GPM6A: variants seen among roughly 807,000 people sequenced by gnomAD.
The protein encoded by GPM6A is neuronal membrane glycoprotein M6-a.
GPM6A carries 7 observed loss-of-function variants against 32.1 expected under a neutral mutation model. That is an observed-to-expected ratio of 0.22 (90% CI 0.12 to 0.41). GPM6A has a LOEUF of 0.41. Among genes scored for constraint, GPM6A ranks in the 10% least tolerant of loss-of-function variants. GPM6A has a pLI of 1.00. For missense variants in GPM6A, 235 were observed against 347.2 expected (o/e 0.68, Z 2.57); for synonymous variants, 130 against 123.4 (o/e 1.05, Z -0.35).
rs75504715 is a variant in GPM6A, at chr4:175,893,541, T to C, written c.-22-81292A>G. Among the ~76,000 whole-genome samples, 502 of 152,224 alleles carry C rather than the reference T, an allele frequency of 3.3e-3. 10 individuals are homozygous for C. In the East Asian group the frequency reaches 0.069, roughly 21 times the overall value. On this transcript the variant is annotated intron_variant, in intron 1 of 7. Transcript: ENST00000280187. ...GGCCTCCCTTAAGCTGACTGCCTTT[T>C]TCCTCTTGTTCTATTCTTCCTCCTG...
chr4:175,737,320 A>G (rs568241774), intron 1 of GPM6A, among the ~76,000 whole-genome samples: 2 of 151,828 alleles, frequency 1.3e-5, no homozygotes, highest in East Asian at 3.9e-4. Flanking sequence ...CTGCACGCCT[A>G]TAATCCTGCA....
At chr4:175,824,450 G>C (rs923986828) in intron 1 of GPM6A, among the ~76,000 whole-genome samples, 2 of 152,094 alleles carry the variant, frequency 1.3e-5, no homozygotes, top group Non-Finnish European at 2.9e-5. Flanking sequence ...CAAATATTAA[G>C]GTAGATGTGA....
intron 1 of GPM6A, among the ~76,000 whole-genome samples, chr4:175,855,900 A>G (rs1736399552): frequency 6.6e-6 from 1 of 152,200 alleles, no homozygotes; most frequent in South Asian, 2.1e-4. Context: ...CTCCGGCAAC[A>G]ATGAAAACAC....
chr4:175,838,112 GACACACACACAC>G (rs10548625), intron 1 of GPM6A, among the ~76,000 whole-genome samples: 16 of 141,864 alleles, frequency 1.1e-4, no homozygotes, highest in Non-Finnish European at 1.5e-5. Context: ...CACACACACA[GACACACACACAC>G]ACACACACAC....
intron 1 of GPM6A, among the ~76,000 whole-genome samples, chr4:175,836,676 C>T (rs945960253): frequency 4.6e-5 from 7 of 151,190 alleles, no homozygotes; most frequent in African/African-American, 1.7e-4. Context: ...TAGAAAATGC[C>T]CCCAAAACAG....
chr4:175,702,638 C>T (rs949585048), intron 1 of GPM6A, among the ~76,000 whole-genome samples: 1 of 152,112 alleles, frequency 6.6e-6, no homozygotes, highest in Non-Finnish European at 1.5e-5. Flanking sequence ...CCTTAGCCTC[C>T]CAAGTAGCTA....
At chr4:175,817,976 C>A (rs1735160193) in intron 1 of GPM6A, among the ~76,000 whole-genome samples, 1 of 152,084 alleles carries the variant, frequency 6.6e-6, no homozygotes, top group Non-Finnish European at 1.5e-5. Context: ...TAATATTTAC[C>A]CCCAAGAAAT....
intron 1 of GPM6A, among the ~76,000 whole-genome samples, chr4:175,965,675 G>A (rs1246664053): frequency 6.6e-6 from 1 of 151,248 alleles, no homozygotes; most frequent in East Asian, 1.9e-4. Flanking sequence ...GCACAGTGGT[G>A]CAATCTTGGC....
At chr4:175,751,275 T>C (rs1406504810) in intron 1 of GPM6A, among the ~76,000 whole-genome samples, 1 of 152,030 alleles carries the variant, frequency 6.6e-6, no homozygotes, top group Non-Finnish European at 1.5e-5. Context: ...AGAAAACTGA[T>C]TGCATAAAAT....
At chr4:175,763,182 T>G (rs1246893542) in intron 1 of GPM6A, among the ~76,000 whole-genome samples, 1 of 152,184 alleles carries the variant, frequency 6.6e-6, no homozygotes, top group East Asian at 1.9e-4. Flanking sequence ...TATTTCAGAT[T>G]TTTATATTTT....
At chr4:175,679,528 T>G (rs1015397754) in intron 2 of GPM6A, among the ~76,000 whole-genome samples, 4 of 152,128 alleles carry the variant, frequency 2.6e-5, no homozygotes, top group African/African-American at 4.8e-5. Flanking sequence ...CGGTCAAAAC[T>G]TCTCCCCAAT....
chr4:175,753,041 GAC>G (rs1732398200), intron 1 of GPM6A, among the ~76,000 whole-genome samples: 1 of 152,086 alleles, frequency 6.6e-6, no homozygotes, highest in African/African-American at 2.4e-5. Flanking sequence ...TCCCATATGG[GAC>G]ACAGAGTTAA....
intron 1 of GPM6A, among the ~76,000 whole-genome samples, chr4:175,924,277 T>A (rs1346717171): frequency 3.9e-5 from 6 of 152,278 alleles, no homozygotes; most frequent in South Asian, 2.1e-4. Context: ...GCAGGCAGTA[T>A]AATTAAAGAC....
At chr4:175,692,268 T>A (rs982902492) in intron 2 of GPM6A, among the ~76,000 whole-genome samples, 2 of 152,102 alleles carry the variant, frequency 1.3e-5, no homozygotes. Flanking sequence ...TAGAAAAAAA[T>A]TAATGTACAT....
In GPM6A at chr4:175,728,299, A is replaced by G. The variant is rs138249682; in HGVS notation, c.38-26532T>C. Among the ~76,000 whole-genome samples the G allele has an allele frequency of 2.0e-3, 305 of 152,318 alleles. 1 individual carries two copies. The highest frequency in any genetic ancestry group is 4.3e-3 in the African/African-American group (177 of 41,572). ...TAAAAACACAAACTAAAAATGATCC[A>G]TCACCAAATAAAATTTAAAAATTAA... On this transcript the variant is annotated intron_variant, in intron 1 of 6. Transcript: ENST00000393658.
chr4:175,942,192 A>C (rs55843342), intron 1 of GPM6A, among the ~76,000 whole-genome samples: 9,587 of 152,076 alleles, frequency 0.063, 942 homozygotes, highest in African/African-American at 0.21. Flanking sequence ...TGAGAAGTGT[A>C]TGTTCTTATC....
intron 1 of GPM6A, among the ~76,000 whole-genome samples, chr4:175,937,062 G>T (rs1009595421): frequency 9.2e-5 from 14 of 152,042 alleles, no homozygotes; most frequent in Non-Finnish European, 1.9e-4. Context: ...GCACTTTCAA[G>T]GGTACAGACA....
At chr4:175,684,460 C>T (rs890018580) in intron 2 of GPM6A, among the ~76,000 whole-genome samples, 4 of 151,964 alleles carry the variant, frequency 2.6e-5, no homozygotes, top group Non-Finnish European at 5.9e-5. Flanking sequence ...ATCAATTTAC[C>T]ATTTTTTCTT....
rs114705863 is a variant in GPM6A, at chr4:175,989,994, G to T, written c.-23+12315C>A. 4.3e-3 allele frequency among the ~76,000 whole-genome samples: 650 copies of T among 152,126 alleles called. 2 individuals carry two copies. Among genetic ancestry groups the T allele is most frequent in the Non-Finnish European group, 6.6e-3 (446 of 67,998 alleles). On this transcript the variant is annotated intron_variant, in intron 1 of 7. Coordinates refer to the GPM6A transcript ENST00000280187. ...TCAACAAAGCAATCCTGAATCACTG[G>T]GTTGACAGAAGTCATACCAGATCAT...
Sources: gnomAD v4.1 joint callset for allele counts (sites outside exome capture counted in the v4.1 genomes callset) on GRCh38, gnomAD v4.1.1 for gene constraint, MANE v1.5 for transcripts, NCBI Gene and HGNC (gene_info 2026-07-23, HGNC 2026-07-21) for gene names.